The following RBFOX1 variants were observed in gnomAD, a reference collection of about 807,000 sequenced individuals.
RBFOX1 encodes RNA binding fox-1 homolog 1.
Under a neutral mutation model 57.7 loss-of-function variants are expected in RBFOX1, and 8 were observed. The observed-to-expected ratio is 0.14, with a 90% CI of 0.08 to 0.25. The LOEUF (loss-of-function observed/expected upper bound fraction) is 0.25. RBFOX1 is among the 10% of genes least tolerant of loss of function. RBFOX1 has a pLI of 1.00. For synonymous variants in RBFOX1, 326 were observed against 222.4 expected (o/e 1.47, Z -4.15); for missense variants, 611 against 548.5 (o/e 1.11, Z -1.14).
At chr16:5,806,529 A>T (rs1025005543) in intron 3 of RBFOX1, among the ~76,000 whole-genome samples, 5 of 152,206 alleles carry the variant, frequency 3.3e-5, no homozygotes, top group African/African-American at 1.2e-4. Flanking sequence ...CAACATAATG[A>T]GGATGAACTT....
chr16:6,624,743 ACTC>A (rs1308676558), intron 2 of RBFOX1, among the ~76,000 whole-genome samples: 1 of 151,810 alleles, frequency 6.6e-6, no homozygotes, highest in Non-Finnish European at 1.5e-5. Flanking sequence ...CTGGAAACTC[ACTC>A]CTCCTGCTGT....
intron 1 of RBFOX1, among the ~76,000 whole-genome samples, chr16:5,241,632 T>G (rs967875173): frequency 1.3e-5 from 2 of 152,198 alleles, no homozygotes; most frequent in African/African-American, 4.8e-5. Context: ...AATGGATCTG[T>G]CAACAGGCCC....
intron 1 of RBFOX1, chr16:6,039,002 T>A (rs1307299989): frequency 8.6e-6 from 1 of 116,036 alleles, no homozygotes; most frequent in South Asian, 2.7e-4. Flanking sequence ...TCATGTATGC[T>A]GGTTTGCAAA....
At chr16:6,413,794 C>T (rs917303872) in intron 2 of RBFOX1, among the ~76,000 whole-genome samples, 1 of 152,134 alleles carries the variant, frequency 6.6e-6, no homozygotes, top group Admixed American at 6.5e-5. Flanking sequence ...ATCTACAGCT[C>T]TCCTCTACAC....
At chr16:7,128,693 G>T (rs1214607756) in intron 4 of RBFOX1, among the ~76,000 whole-genome samples, 1 of 152,084 alleles carries the variant, frequency 6.6e-6, no homozygotes, top group Admixed American at 6.5e-5. Flanking sequence ...AGAGGGTGGG[G>T]AACTAAACTC....
intron 3 of RBFOX1, among the ~76,000 whole-genome samples, chr16:5,609,028 C>G (rs1398448070): frequency 3.3e-5 from 5 of 152,156 alleles, no homozygotes; most frequent in African/African-American, 1.2e-4. Context: ...TCACACATAG[C>G]TTTTAATCAA....
intron 3 of RBFOX1, among the ~76,000 whole-genome samples, chr16:6,730,995 T>C (rs186381590): frequency 3.9e-5 from 6 of 152,260 alleles, no homozygotes; most frequent in Admixed American, 6.5e-5. Context: ...GTTAGTATCA[T>C]TGATGTCAGA....
intron 4 of RBFOX1, among the ~76,000 whole-genome samples, chr16:7,396,587 A>G (rs2098142544): frequency 6.6e-6 from 1 of 152,102 alleles, no homozygotes; most frequent in Non-Finnish European, 1.5e-5. Context: ...CGTTACTTTA[A>G]GCTCAGTTTG....
At chr16:6,738,203 C>G (rs375170551) in intron 3 of RBFOX1, among the ~76,000 whole-genome samples, 1 of 152,058 alleles carries the variant, frequency 6.6e-6, no homozygotes, top group African/African-American at 2.4e-5. Flanking sequence ...TTGCATAACA[C>G]TGTACATCAA....
intron 1 of RBFOX1, among the ~76,000 whole-genome samples, chr16:5,287,191 G>A (rs1196985065): frequency 1.3e-5 from 2 of 152,096 alleles, no homozygotes; most frequent in East Asian, 3.9e-4. Context: ...TGTAGTCCTA[G>A]CTATGTAGGA....
intron 2 of RBFOX1, among the ~76,000 whole-genome samples, chr16:6,346,787 G>A (rs1025811443): frequency 6.6e-6 from 1 of 152,168 alleles, no homozygotes; most frequent in Non-Finnish European, 1.5e-5. Context: ...CTTGTCTTGG[G>A]ATGGTTGATG....
At chr16:6,474,952 A>G (rs1399426333) in intron 2 of RBFOX1, among the ~76,000 whole-genome samples, 2 of 152,230 alleles carry the variant, frequency 1.3e-5, no homozygotes, top group African/African-American at 4.8e-5. Context: ...AGTGGAATAC[A>G]TAAACTGACC....
intron 11 of RBFOX1, among the ~76,000 whole-genome samples, chr16:7,635,436 A>G (rs565130914): frequency 6.6e-6 from 1 of 152,290 alleles, no homozygotes; most frequent in Non-Finnish European, 1.5e-5. Context: ...AAACATACAC[A>G]CCATTGTAAT....
At position 5,834,038 on chromosome 16, in the gene RBFOX1, C is replaced by G. The variant is rs138867016; in HGVS notation, c.319-33265C>G. 1.3e-4 allele frequency among the ~76,000 whole-genome samples: 20 copies of G among 152,282 alleles called. 1 individual carries two copies. In the East Asian group the frequency reaches 3.9e-3, roughly 29 times the overall value. ...AGATTTTTATCCTCAGTGTCCAGCC[C>G]CAGGCCTGGCACCAAACCACTGCTC... On this transcript the variant is annotated intron_variant, in intron 3 of 19. Coordinates refer to the RBFOX1 transcript ENST00000641259.
intron 1 of RBFOX1, among the ~76,000 whole-genome samples, chr16:5,353,993 G>T (rs2065325810): frequency 6.6e-6 from 1 of 152,100 alleles, no homozygotes; most frequent in African/African-American, 2.4e-5. Context: ...GCTCAGCTGG[G>T]GAAGGCTGGG....
intron 2 of RBFOX1, among the ~76,000 whole-genome samples, chr16:6,581,262 G>A (rs1374949652): frequency 1.3e-5 from 2 of 152,174 alleles, no homozygotes; most frequent in Non-Finnish European, 2.9e-5. Context: ...GGCCACTTTA[G>A]AATTTATCTC....
rs902730418 is a variant in RBFOX1 at position 6,578,581 on chromosome 16, G to A, written c.-63-76022G>A. Among the ~76,000 whole-genome samples the A allele has an allele frequency of 2.7e-5, 4 of 149,856 alleles. No homozygotes were observed. The Admixed American group carries it at 2.7e-4, about 10-fold the overall frequency. On this transcript the variant is annotated intron_variant, in intron 2 of 15. Transcript: ENST00000550418. The stretch of plus-strand genomic sequence containing the variant: ...TGTGCCCAATGGGGATGTCGGCTAT[G>A]GGTATTGGTGTGTGTGCGTGTGTGT...
intron 14 of RBFOX1, among the ~76,000 whole-genome samples, chr16:7,701,700 A>G (rs564765145): frequency 5.9e-5 from 9 of 152,318 alleles, no homozygotes; most frequent in African/African-American, 9.6e-5. Context: ...CAATAAATGT[A>G]TAAGTCATTG....
chr16:5,444,667 A>G (rs1309384861), intron 1 of RBFOX1, among the ~76,000 whole-genome samples: 4 of 152,134 alleles, frequency 2.6e-5, no homozygotes, highest in Non-Finnish European at 5.9e-5. Flanking sequence ...GCCAGAGGGA[A>G]TTTTTACAAG....
Sources: allele counts gnomAD v4.1 joint callset (sites outside exome capture counted in the v4.1 genomes callset), GRCh38; gene constraint gnomAD v4.1.1; transcripts MANE v1.5; gene names NCBI Gene and HGNC (gene_info 2026-07-23, HGNC 2026-07-21).